AKAP7: variants seen among roughly 807,000 people sequenced by gnomAD.
The protein encoded by AKAP7 is A-kinase anchoring protein 7.
AKAP7 carries 39 observed loss-of-function variants against 39.5 expected under a neutral mutation model. The observed-to-expected ratio is 0.99, with a 90% CI of 0.76 to 1.29. The LOEUF is 1.29. AKAP7 is among the 50% of genes most tolerant of loss of function. The probability of loss-of-function intolerance (pLI) is 0.00; values close to 1 mark genes in which losing one functional copy is unlikely to be tolerated. For missense variants in AKAP7, 414 were observed against 407.7 expected (o/e 1.02, Z -0.13); for synonymous variants, 140 against 139.1 (o/e 1.01, Z -0.05).
At chr6:131,179,595 C>T (rs1203178388) in intron 5 of AKAP7, among the ~76,000 whole-genome samples, 2 of 151,882 alleles carry the variant, frequency 1.3e-5, no homozygotes, top group African/African-American at 2.4e-5. Context: ...ACACATAAAA[C>T]GCGTTAAGGC....
At chr6:131,255,596 G>T (rs1170273120) in intron 7 of AKAP7, among the ~76,000 whole-genome samples, 1 of 152,160 alleles carries the variant, frequency 6.6e-6, no homozygotes, top group Non-Finnish European at 1.5e-5. Context: ...AAAACATATG[G>T]CCCATTGCTT....
intron 7 of AKAP7, among the ~76,000 whole-genome samples, chr6:131,252,116 G>A (rs961759372): frequency 6.6e-6 from 1 of 152,170 alleles, no homozygotes; most frequent in African/African-American, 2.4e-5. Flanking sequence ...TTCAACTCCA[G>A]AAGGAATTTG....
chr6:131,200,977 G>A (rs1807503713), intron 6 of AKAP7: 1 of 152,046 alleles, frequency 6.6e-6, no homozygotes, highest in African/African-American at 2.4e-5. Flanking sequence ...GAGCACCCAA[G>A]GACATTTATT....
chr6:131,139,258 T>G (rs1297516024), intron 1 of AKAP7, among the ~76,000 whole-genome samples: 3 of 152,206 alleles, frequency 2.0e-5, no homozygotes, highest in African/African-American at 7.2e-5. Flanking sequence ...TATTTGAAAG[T>G]GGCACTCCTT....
intron 1 of AKAP7, among the ~76,000 whole-genome samples, chr6:131,142,036 C>G (rs1478215496): frequency 6.6e-6 from 1 of 151,154 alleles, no homozygotes; most frequent in African/African-American, 2.4e-5. Context: ...GATATGGAAG[C>G]AAAGGAATGA....
chr6:131,207,375 C>T (rs1210843325), intron 6 of AKAP7, among the ~76,000 whole-genome samples: 4 of 149,790 alleles, frequency 2.7e-5, no homozygotes, highest in Non-Finnish European at 5.9e-5. Context: ...ACCTAGAGTT[C>T]ATGGCATGAT....
chr6:131,191,085 G>A (rs1170648185), intron 5 of AKAP7, among the ~76,000 whole-genome samples: 2 of 152,116 alleles, frequency 1.3e-5, no homozygotes, highest in Non-Finnish European at 2.9e-5. Context: ...AATTGCTATT[G>A]GAAGCTCCTA....
chr6:131,142,517 G>C (rs1043622627), intron 1 of AKAP7, among the ~76,000 whole-genome samples: 2 of 152,240 alleles, frequency 1.3e-5, no homozygotes. Flanking sequence ...AAGAGTGAAG[G>C]AGGCATGGCA....
intron 7 of AKAP7, among the ~76,000 whole-genome samples, chr6:131,275,899 G>C (rs1324188518): frequency 6.6e-6 from 1 of 152,230 alleles, no homozygotes; most frequent in Non-Finnish European, 1.5e-5. Flanking sequence ...CTTTAGCTGA[G>C]GCTGGAATCA....
At chr6:131,216,605 A>G (rs1431393711) in intron 6 of AKAP7, among the ~76,000 whole-genome samples, 1 of 152,272 alleles carries the variant, frequency 6.6e-6, no homozygotes, top group Non-Finnish European at 1.5e-5. Context: ...TAGGCTAAAG[A>G]TAAGTTAAAA....
chr6:131,282,719 A>C lies in AKAP7; in HGVS notation c.*993A>C. On this transcript the variant is annotated 3_prime_UTR_variant, in exon 8 of 8. Transcript: ENST00000431975. ...AGTGTCTGCACAACAGCAAACCAAC[A>C]TTTGGTGAGGAATTAGCAATTTCTT... 1 of 793,194 alleles carries C rather than the reference A, an allele frequency of 1.3e-6. No individual in the cohort carries two copies. Among genetic ancestry groups the C allele is most frequent in the Non-Finnish European group, 1.8e-6 (1 of 551,072 alleles). The allele number at this position is 793,194 out of a possible 1,614,324, so 49.1% of individuals were successfully genotyped here. A position where few individuals can be genotyped will look rare whatever the true frequency, so the allele number is the denominator to read the frequency against.
intron 1 of AKAP7, among the ~76,000 whole-genome samples, chr6:131,136,639 A>G (rs1800567679): frequency 6.6e-6 from 1 of 152,170 alleles, no homozygotes; most frequent in African/African-American, 2.4e-5. Flanking sequence ...GCATATCTGT[A>G]TATTTTCCTT....
intron 5 of AKAP7, among the ~76,000 whole-genome samples, chr6:131,195,665 G>A (rs1806852822): frequency 6.6e-6 from 1 of 152,018 alleles, no homozygotes; most frequent in African/African-American, 2.4e-5. Flanking sequence ...GTTTCTCTGG[G>A]CAAGTCTTTA....
At chr6:131,193,898 T>C (rs1368686554) in intron 5 of AKAP7, among the ~76,000 whole-genome samples, 2 of 152,116 alleles carry the variant, frequency 1.3e-5, no homozygotes, top group Non-Finnish European at 2.9e-5. Flanking sequence ...TTGTAATGTC[T>C]CATTTATCAG....
chr6:131,208,204 A>G (rs1261293657), intron 6 of AKAP7, among the ~76,000 whole-genome samples: 2 of 152,200 alleles, frequency 1.3e-5, no homozygotes, highest in Non-Finnish European at 2.9e-5. Flanking sequence ...TTATGTTTCT[A>G]ATGTATTTTT....
intron 7 of AKAP7, among the ~76,000 whole-genome samples, chr6:131,247,202 C>T (rs1192212624): frequency 6.9e-6 from 1 of 145,044 alleles, no homozygotes; most frequent in Non-Finnish European, 1.5e-5. Flanking sequence ...ATGAAAAAGC[C>T]TCTAACATTA....
chr6:131,175,014 G>C (rs1804439739), intron 5 of AKAP7, among the ~76,000 whole-genome samples: 1 of 151,788 alleles, frequency 6.6e-6, no homozygotes, highest in Non-Finnish European at 1.5e-5. Flanking sequence ...ATAAACAATT[G>C]ATTAACACAT....
intron 7 of AKAP7, among the ~76,000 whole-genome samples, chr6:131,279,445 T>A (rs1487523454): frequency 6.6e-6 from 1 of 152,114 alleles, no homozygotes; most frequent in Admixed American, 6.5e-5. Context: ...ATTTTTGTAT[T>A]TTTAGTAGAG....
intron 7 of AKAP7, among the ~76,000 whole-genome samples, chr6:131,237,366 T>C (rs1267209089): frequency 6.6e-6 from 1 of 152,196 alleles, no homozygotes; most frequent in Non-Finnish European, 1.5e-5. Flanking sequence ...TCTAAAATTC[T>C]CTTTTTTTGT....
Sources: gnomAD v4.1 joint callset for allele counts (sites outside exome capture counted in the v4.1 genomes callset) on GRCh38, gnomAD v4.1.1 for gene constraint, MANE v1.5 for transcripts, NCBI Gene and HGNC (gene_info 2026-07-23, HGNC 2026-07-21) for gene names.